CAMK1D: variants seen among roughly 807,000 people sequenced by gnomAD.
CAMK1D encodes calcium/calmodulin dependent protein kinase ID, also known as calcium/calmodulin-dependent protein kinase type 1D.
Under a neutral mutation model 47.7 loss-of-function variants are expected in CAMK1D, and 9 were observed. That is an observed-to-expected ratio of 0.19 (90% confidence interval 0.11 to 0.33). The LOEUF is 0.33. CAMK1D is among the 10% of genes least tolerant of loss of function. The pLI is 1.00. For missense variants in CAMK1D, 291 were observed against 488.7 expected (o/e 0.60, Z 3.81); for synonymous variants, 184 against 184.9 (o/e 0.99, Z 0.04).
At chr10:12,616,680 G>C (rs1231324436) in intron 2 of CAMK1D, among the ~76,000 whole-genome samples, 1 of 151,574 alleles carries the variant, frequency 6.6e-6, no homozygotes, top group Non-Finnish European at 1.5e-5. Flanking sequence ...ACTAAGCCCG[G>C]CTAATTTTTT....
In CAMK1D at chr10:12,801,354, T is replaced by TATCTTACC. The variant is rs57429397; in HGVS notation, c.641+10121_641+10122insATCTTACC. 4.5e-5 allele frequency among the ~76,000 whole-genome samples: 3 copies of TATCTTACC among 66,490 alleles called. No homozygotes were observed. The East Asian group carries it at 1.5e-3, about 33-fold the overall frequency. The allele number at this position is 66,490 out of a possible 152,430, so 43.6% of individuals were successfully genotyped here. A position where few individuals can be genotyped will look rare whatever the true frequency, so the allele number is the denominator to read the frequency against. On this transcript the variant is annotated intron_variant, in intron 6 of 10. Coordinates refer to ENST00000619168, the MANE Select transcript of CAMK1D (RefSeq NM_153498.4). ...CTATCTATCTATCTATCTATCTATCTTATCTATCTATCTATCTATCTATCT... is the reference window on the plus strand; with the variant it reads ...CTATCTATCTATCTATCTATCTATCTATCTTACCTATCTATCTATCTATCTATCTATCT...
At chr10:12,540,439 T>C (rs1321736577) in intron 1 of CAMK1D, among the ~76,000 whole-genome samples, 2 of 152,184 alleles carry the variant, frequency 1.3e-5, no homozygotes, top group African/African-American at 4.8e-5. Flanking sequence ...TGTTTTAGAG[T>C]GTGGCAGTAG....
chr10:12,376,873 G>C (rs919812833), intron 1 of CAMK1D, among the ~76,000 whole-genome samples: 4 of 151,388 alleles, frequency 2.6e-5, no homozygotes, highest in African/African-American at 9.7e-5. Context: ...CGATTCTCCT[G>C]CCTCAGCCTC....
At chr10:12,739,260 A>C (rs1835315477) in intron 3 of CAMK1D, among the ~76,000 whole-genome samples, 2 of 151,968 alleles carry the variant, frequency 1.3e-5, no homozygotes, top group Admixed American at 6.6e-5. Flanking sequence ...AGGTTAATAC[A>C]AAATGAGATA....
intron 10 of CAMK1D, among the ~76,000 whole-genome samples, chr10:12,827,627 CTCCT>C (rs1833301549): frequency 1.3e-5 from 1 of 74,574 alleles, no homozygotes; most frequent in South Asian, 7.1e-4. Context: ...TCTCTCCTCT[CTCCT>C]CTCTCCCCTC....
chr10:12,425,149 C>T (rs1840185207), intron 1 of CAMK1D, among the ~76,000 whole-genome samples: 1 of 152,172 alleles, frequency 6.6e-6, no homozygotes, highest in South Asian at 2.1e-4. Context: ...GAGTCTGACC[C>T]ATGGTCCCTT....
At chr10:12,581,908 T>A (rs1484914400) in intron 2 of CAMK1D, among the ~76,000 whole-genome samples, 1 of 152,166 alleles carries the variant, frequency 6.6e-6, no homozygotes, top group East Asian at 1.9e-4. Context: ...TCCCATCTAT[T>A]TATCTTTGTT....
rs575693545 is a variant in CAMK1D, at chr10:12,554,385, C to T, written c.224+1029C>T. On this transcript the variant is annotated intron_variant, in intron 2 of 10. Coordinates refer to ENST00000619168, the MANE Select transcript of CAMK1D (RefSeq NM_153498.4). ...GGCCAGGCTGGTCTTGAACTCCTGA[C>T]CTCAGGTGATCCGCCCGCCTTGGCC... Among the ~76,000 whole-genome samples the T allele has an allele frequency of 1.8e-4, 24 of 131,162 alleles. 6 individuals are homozygous for T. Among genetic ancestry groups the T allele is most frequent in the Admixed American group, 3.0e-4 (4 of 13,242 alleles). 86.0% of individuals were successfully genotyped at this position (131,162 alleles called of 152,430 possible).
intron 1 of CAMK1D, among the ~76,000 whole-genome samples, chr10:12,390,829 C>T (rs956605444): frequency 2.6e-5 from 4 of 152,178 alleles, no homozygotes; most frequent in Non-Finnish European, 5.9e-5. Flanking sequence ...GAATACGGGT[C>T]CAGCTGTCCC....
At chr10:12,387,264 T>C (rs547098462) in intron 1 of CAMK1D, among the ~76,000 whole-genome samples, 34 of 146,636 alleles carry the variant, frequency 2.3e-4, no homozygotes, top group African/African-American at 8.0e-4. Context: ...ATTCATAGAG[T>C]AGTGACAGCC....
At chr10:12,561,249 A>C (rs189834050) in intron 2 of CAMK1D, among the ~76,000 whole-genome samples, 2 of 152,134 alleles carry the variant, frequency 1.3e-5, no homozygotes, top group Admixed American at 1.3e-4. Context: ...TGAGGGATGC[A>C]GTAAGTTATT....
intron 3 of CAMK1D, among the ~76,000 whole-genome samples, chr10:12,674,970 G>A (rs2132585542): frequency 6.7e-6 from 1 of 148,498 alleles, no homozygotes. Flanking sequence ...GGTGGAGGTT[G>A]CAGTAAGCTG....
intron 1 of CAMK1D, among the ~76,000 whole-genome samples, chr10:12,457,114 G>C (rs1461306589): frequency 6.6e-6 from 1 of 152,158 alleles, no homozygotes; most frequent in Admixed American, 6.5e-5. Context: ...TTTCTGTCCA[G>C]GCATGGTGGC....
intron 1 of CAMK1D, among the ~76,000 whole-genome samples, chr10:12,350,476 C>T (rs1435761732): frequency 2.0e-5 from 3 of 152,236 alleles, no homozygotes; most frequent in Non-Finnish European, 2.9e-5. Flanking sequence ...GGCAGAGCCT[C>T]ACCGGAGGGT....
rs143140104 is a variant in CAMK1D at position 12,621,081 on chromosome 10, T to C, written c.225-45655T>C. On this transcript the variant is annotated intron_variant, in intron 2 of 10. Coordinates refer to ENST00000619168, the MANE Select transcript of CAMK1D (RefSeq NM_153498.4). ...CTCCACTGAATTGCTTTTGCATCTT[T>C]ATCAAAACTCATTTGGGCTTAGACA... 3.4e-3 allele frequency among the ~76,000 whole-genome samples: 512 copies of C among 152,378 alleles called. 6 individuals carry two copies. The highest frequency in any genetic ancestry group is 0.01 in the Middle Eastern group (3 of 294).
At chr10:12,706,351 G>T (rs914005040) in intron 3 of CAMK1D, among the ~76,000 whole-genome samples, 17 of 152,168 alleles carry the variant, frequency 1.1e-4, no homozygotes, top group African/African-American at 3.6e-4. Context: ...TGAAACTGAG[G>T]CTAAGGGGGC....
chr10:12,814,331 C>T, intron 7 of CAMK1D, 24 bp downstream of exon 7: 1 of 1,483,720 alleles, frequency 6.7e-7, no homozygotes, highest in Non-Finnish European at 9.4e-7. Flanking sequence ...AGGCAGCTCC[C>T]AGTGGGCGGC....
In CAMK1D at chr10:12,390,241, T is replaced by A. The variant is rs544403043; in HGVS notation, c.92+40331T>A. On this transcript the variant is annotated intron_variant, in intron 1 of 10. Coordinates refer to ENST00000619168, the MANE Select transcript of CAMK1D (RefSeq NM_153498.4). ...CTATAAAGTAGTTGTCTCTATTTTT[T>A]AAAAATTAAAAAAAAAGATGGGGTC... Among the ~76,000 whole-genome samples the A allele has an allele frequency of 1.4e-4, 22 of 152,202 alleles. No individual in the cohort carries two copies. The South Asian group carries it at 2.7e-3, about 19-fold the overall frequency.
At chr10:12,491,406 C>G (rs1834379222) in intron 1 of CAMK1D, among the ~76,000 whole-genome samples, 1 of 152,100 alleles carries the variant, frequency 6.6e-6, no homozygotes, top group Admixed American at 6.5e-5. Context: ...AAAATGACTG[C>G]TGCCTCATAG....
Sources: gnomAD v4.1 joint callset for allele counts (sites outside exome capture counted in the v4.1 genomes callset) on GRCh38, gnomAD v4.1.1 for gene constraint, MANE v1.5 for transcripts, NCBI Gene and HGNC (gene_info 2026-07-23, HGNC 2026-07-21) for gene names.